The following B3GALT1 variants were observed in gnomAD, a reference collection of about 807,000 sequenced individuals.
B3GALT1 encodes the protein beta-1,3-galactosyltransferase 1.
B3GALT1 carries 10 observed loss-of-function variants against 23.2 expected under a neutral mutation model. The ratio of observed to expected loss-of-function variants is 0.43; its 90% CI spans 0.27 to 0.73. B3GALT1 has a LOEUF of 0.73. Among genes scored for constraint, B3GALT1 ranks in the 30% least tolerant of loss-of-function variants. The pLI, the probability that B3GALT1 is intolerant of heterozygous loss-of-function variation, is 0.21. For missense variants in B3GALT1, 299 were observed against 405.4 expected, an observed-to-expected ratio of 0.74 and a Z score of 2.25; for synonymous variants, 156 against 141.5, an observed-to-expected ratio of 1.10 and a Z score of -0.73.
chr2:167,435,557 A>T (rs546372206), intron 1 of B3GALT1, among the ~76,000 whole-genome samples: 1 of 150,778 alleles, frequency 6.6e-6, no homozygotes, highest in Non-Finnish European at 1.5e-5. Flanking sequence ...TCTTAGATGT[A>T]TATCTGGGAA....
chr2:167,398,569 A>G (rs1321830698), intron 1 of B3GALT1, among the ~76,000 whole-genome samples: 1 of 152,160 alleles, frequency 6.6e-6, no homozygotes, highest in Non-Finnish European at 1.5e-5. Flanking sequence ...ATGAAGAACA[A>G]AGCCATTGTA....
chr2:167,693,805 T>A (rs1274569308), intron 3 of B3GALT1, among the ~76,000 whole-genome samples: 1 of 152,102 alleles, frequency 6.6e-6, no homozygotes, highest in East Asian at 1.9e-4. Context: ...TCTCCAACCC[T>A]CTCAGATTTC....
At chr2:167,793,960 T>G (rs1688494579) in intron 3 of B3GALT1, among the ~76,000 whole-genome samples, 1 of 152,174 alleles carries the variant, frequency 6.6e-6, no homozygotes, top group African/African-American at 2.4e-5. Flanking sequence ...GCTGATTCCC[T>G]TTTTTCTTCA....
chr2:167,823,036 G>C (rs1039565135), intron 4 of B3GALT1, among the ~76,000 whole-genome samples: 3 of 152,100 alleles, frequency 2.0e-5, no homozygotes, highest in Non-Finnish European at 4.4e-5. Flanking sequence ...GCTTCATTTG[G>C]AAGCCAGGGT....
chr2:167,676,071 G>C (rs539289220), intron 3 of B3GALT1, among the ~76,000 whole-genome samples: 3 of 151,856 alleles, frequency 2.0e-5, no homozygotes, highest in Non-Finnish European at 4.4e-5. Context: ...CCCCCTAAGG[G>C]CCTAGACCAC....
At chr2:167,594,863 G>C (rs562438353) in intron 2 of B3GALT1, among the ~76,000 whole-genome samples, 17 of 151,982 alleles carry the variant, frequency 1.1e-4, no homozygotes, top group East Asian at 7.7e-4. Flanking sequence ...CCAAGATTGC[G>C]TGACTGCACT....
At chr2:167,317,751 A>C (rs1484015339) in intron 1 of B3GALT1, among the ~76,000 whole-genome samples, 2 of 152,132 alleles carry the variant, frequency 1.3e-5, no homozygotes, top group Non-Finnish European at 2.9e-5. Flanking sequence ...TTGTGCATGA[A>C]GGGAATGATA....
intron 2 of B3GALT1, among the ~76,000 whole-genome samples, chr2:167,513,966 G>A (rs997113208): frequency 6.6e-6 from 1 of 152,050 alleles, no homozygotes; most frequent in Non-Finnish European, 1.5e-5. Flanking sequence ...GAGGGCAGTG[G>A]TGCAGTATCG....
At chr2:167,767,588 T>C (rs1687999443) in intron 3 of B3GALT1, among the ~76,000 whole-genome samples, 2 of 152,144 alleles carry the variant, frequency 1.3e-5, no homozygotes, top group Non-Finnish European at 2.9e-5. Flanking sequence ...AATATGAAAT[T>C]CCTGTATAGT....
intron 2 of B3GALT1, among the ~76,000 whole-genome samples, chr2:167,496,365 G>A (rs900592723): frequency 6.6e-6 from 1 of 152,088 alleles, no homozygotes; most frequent in African/African-American, 2.4e-5. Flanking sequence ...AGATAAATTT[G>A]GGCTTTGAAG....
At chr2:167,776,729 A>G (rs1314908400) in intron 3 of B3GALT1, among the ~76,000 whole-genome samples, 4 of 152,198 alleles carry the variant, frequency 2.6e-5, no homozygotes, top group Non-Finnish European at 5.9e-5. Context: ...ATATAACTTC[A>G]GTGTCTGTTT....
chr2:167,535,892 T>C (rs1403719413), intron 2 of B3GALT1, among the ~76,000 whole-genome samples: 2 of 152,174 alleles, frequency 1.3e-5, no homozygotes, highest in Admixed American at 6.5e-5. Flanking sequence ...AAATTGGTTG[T>C]CTAGTGTAGC....
At chr2:167,519,515 A>G (rs1700156273) in intron 2 of B3GALT1, among the ~76,000 whole-genome samples, 1 of 152,142 alleles carries the variant, frequency 6.6e-6, no homozygotes, top group South Asian at 2.1e-4. Flanking sequence ...TGTTTTCTGC[A>G]TATTAGCCAG....
chr2:167,745,402 T>C lies in B3GALT1; in HGVS notation c.-351-73270T>C, dbSNP rs149709980. 2.9e-3 allele frequency among the ~76,000 whole-genome samples: 437 copies of C among 152,304 alleles called. 1 individual carries two copies. Among genetic ancestry groups the C allele is most frequent in the Non-Finnish European group, 4.4e-3 (300 of 68,000 alleles). On this transcript the variant is annotated intron_variant, in intron 3 of 4. Transcript: ENST00000392690. ...TAAACAGTTTCTTCTCACTGTTGCT[T>C]CTTGCCTTTCATACTATTCTTTTGA...
chr2:167,736,519 TTAGATTGCTATTGAACTG>T lies in B3GALT1; in HGVS notation c.-351-82150_-351-82133del, dbSNP rs1172376962. On this transcript the variant is annotated intron_variant, in intron 3 of 4. Transcript: ENST00000392690. The stretch of plus-strand genomic sequence containing the variant: ...CAGTAACTCTATCCCTCATGCAGAA[TTAGATTGCTATTGAACTG>T]TACTAATACATTCAAAAGGTTGCAA... Among the ~76,000 whole-genome samples, 5 of 152,230 alleles carry T rather than the reference TTAGATTGCTATTGAACTG, an allele frequency of 3.3e-5. No individual in the cohort carries two copies. The East Asian group carries it at 9.7e-4, about 29-fold the overall frequency.
At chr2:167,414,858 A>G (rs1174174931) in intron 1 of B3GALT1, among the ~76,000 whole-genome samples, 2 of 152,186 alleles carry the variant, frequency 1.3e-5, no homozygotes, top group Non-Finnish European at 2.9e-5. Flanking sequence ...CGTAGGTATG[A>G]TGTTTATGAG....
chr2:167,734,889 A>C (rs564532923), intron 3 of B3GALT1, among the ~76,000 whole-genome samples: 6 of 151,900 alleles, frequency 3.9e-5, no homozygotes, highest in Non-Finnish European at 8.8e-5. Flanking sequence ...TTGATTTCCA[A>C]CTATTTTCAA....
intron 2 of B3GALT1, among the ~76,000 whole-genome samples, chr2:167,623,969 A>G (rs1351444845): frequency 6.6e-6 from 1 of 152,034 alleles, no homozygotes. Flanking sequence ...CAGAACACCA[A>G]TGTAGTAAAA....
intron 1 of B3GALT1, among the ~76,000 whole-genome samples, chr2:167,445,087 A>G (rs1035310645): frequency 6.6e-6 from 1 of 152,172 alleles, no homozygotes; most frequent in Non-Finnish European, 1.5e-5. Context: ...TTGGTTTCAA[A>G]GAATATCTTT....
Sources: allele counts gnomAD v4.1 joint callset (sites outside exome capture counted in the v4.1 genomes callset), GRCh38; gene constraint gnomAD v4.1.1; transcripts MANE v1.5; gene names NCBI Gene and HGNC (gene_info 2026-07-23, HGNC 2026-07-21).